DAGLB: variants seen among roughly 807,000 people sequenced by gnomAD.
DAGLB encodes diacylglycerol lipase beta.
In DAGLB, 66 loss-of-function variants were observed where a neutral mutation model predicts 72.1. The ratio of observed to expected loss-of-function variants is 0.92; its 90% confidence interval spans 0.75 to 1.12. The LOEUF is 1.12. DAGLB is among the 50% of genes most tolerant of loss of function. The pLI is 0.00. For synonymous variants in DAGLB, 414 were observed against 359.5 expected, an observed-to-expected ratio of 1.15 and a Z score of -1.71; for missense variants, 1,065 against 884.9, an observed-to-expected ratio of 1.20 and a Z score of -2.58.
At position 6,445,993 on chromosome 7, in the gene DAGLB, G is replaced by T; in HGVS notation, c.207C>A (p.Val69=). The T allele has an allele frequency of 2.5e-6, 4 of 1,613,644 alleles. No individual in the cohort carries two copies. Among genetic ancestry groups the T allele is most frequent in the Non-Finnish European group, 3.4e-6 (4 of 1,179,870 alleles). ...LIVLMILLAV[V]ICTVSAIMCV... ...ACATGATGGCTGACACAGTACATAT[G>T]ACAACTGCCAGGAGAATCATGAGGA... Residue 69 remains valine (V), a synonymous_variant, in exon 2 of 15, where the codon GTC becomes GTA. Transcript: ENST00000297056.
chr7:6,410,290 CT>C lies in DAGLB; in HGVS notation c.1659del (p.Val554SerfsTer2). 1 of 1,613,952 alleles carries C rather than the reference CT, an allele frequency of 6.2e-7. No individual in the cohort carries two copies. On this transcript the variant is annotated frameshift_variant, in exon 14 of 15. Coordinates refer to ENST00000297056, the MANE Select transcript of DAGLB (RefSeq NM_139179.4). LOFTEE classifies it high-confidence loss of function. ...TCCCCCAGAAGAGGCTGTGTCAGGA[CT>C]TCCTGGTCGCCCCCGTCCAGCTCCG... ...LPTELDGGDQ[E>X]VLTQPLLGEQ...
intron 1 of DAGLB, 47 bp downstream of exon 1, chr7:6,447,701 G>A (rs1271461789): frequency 1.9e-6 from 3 of 1,585,116 alleles, no homozygotes; most frequent in South Asian, 2.3e-5. Flanking sequence ...CTCGCCCCCC[G>A]CTCCCTCTCC....
chr7:6,436,669 T>C (rs1027075959), intron 2 of DAGLB, 136 bp from the exon 3 acceptor site: 3 of 1,059,026 alleles, frequency 2.8e-6, no homozygotes, highest in African/African-American at 3.2e-5. Flanking sequence ...CTACTTATAA[T>C]TGGTAATCAG....
chr7:6,416,497 C>T lies in DAGLB; in HGVS notation c.1427+130G>A, dbSNP rs752644067. The stretch of plus-strand genomic sequence containing the variant: ...GGTGGAGCTTGCAGTGAGCCGAGAT[C>T]ACGCCACTGCACTCCAGCCTGGGCG... On this transcript the variant is annotated intron_variant, in intron 11 of 14. Transcript: ENST00000297056. 1.9e-4 allele frequency: 262 copies of T among 1,373,738 alleles called. 1 individual carries two copies. The highest frequency in any genetic ancestry group is 2.5e-4 in the Non-Finnish European group (257 of 1,026,954). The allele number at this position is 1,373,738 out of a possible 1,614,324, so 85.1% of individuals were successfully genotyped here.
Position 6,445,959 on chromosome 7 carries a change from T to TGCTGACACACATGATG in DAGLB, c.225_240dup (p.Met81HisfsTer12), listed in dbSNP as rs761441257. The TGCTGACACACATGATG allele has an allele frequency of 6.3e-7, 1 of 1,595,964 alleles. No individual in the cohort carries two copies. The highest frequency in any genetic ancestry group is 1.9e-5 in the Admixed American group (1 of 53,734). ...AGAAAAGGCTACTTTTTACCTCTCA[T>TGCTGACACACATGATG]GCTGACACACATGATGGCTGACACA... On this transcript the variant is annotated frameshift_variant, in exon 2 of 15. Transcript: ENST00000297056. LOFTEE classifies it high-confidence loss of function.
At chr7:6,430,354 G>A in intron 6 of DAGLB, 126 bp downstream of exon 6, 3 of 1,154,606 alleles carry the variant, frequency 2.6e-6, no homozygotes, top group South Asian at 3.7e-5. Context: ...AGTCACAGCT[G>A]GTGACTCTAG....
chr7:6,433,564 G>A (rs541936263), intron 4 of DAGLB, among the ~76,000 whole-genome samples: 7 of 152,144 alleles, frequency 4.6e-5, no homozygotes, highest in Non-Finnish European at 1.0e-4. Context: ...ATACTGCCAG[G>A]TGCGATGACT....
chr7:6,437,218 C>G (rs558899775), intron 2 of DAGLB, among the ~76,000 whole-genome samples: 1 of 150,906 alleles, frequency 6.6e-6, no homozygotes, highest in African/African-American at 2.4e-5. Flanking sequence ...AGACAACAGG[C>G]ACAAAACAGA....
At position 6,447,882 on chromosome 7, in the gene DAGLB, G is replaced by A; in HGVS notation, c.-40C>T. 6.4e-7 allele frequency: 1 copy of A among 1,565,792 alleles called. No homozygotes were observed. Among genetic ancestry groups the A allele is most frequent in the Non-Finnish European group, 8.6e-7 (1 of 1,160,698 alleles). ...AGCTCGCACTCAGGAGAGACCCCGCGCGCCGTTCACCGAGAACAAACCAGC... is the reference window on the plus strand; with the variant it reads ...AGCTCGCACTCAGGAGAGACCCCGCACGCCGTTCACCGAGAACAAACCAGC... On this transcript the variant is annotated 5_prime_UTR_variant, in exon 1 of 15. Transcript: ENST00000297056.
chr7:6,441,983 A>G lies in DAGLB; in HGVS notation c.247+3970T>C, dbSNP rs7799698. Among the ~76,000 whole-genome samples the G allele has an allele frequency of 9.8e-3, 1,489 of 152,040 alleles. 19 individuals are homozygous for G. Among genetic ancestry groups the G allele is most frequent in the African/African-American group, 0.034 (1,428 of 41,456 alleles). On this transcript the variant is annotated intron_variant, in intron 2 of 14. Transcript: ENST00000297056. ...TTCTCCCAGCTCTCCCCTGCCCTGT[A>G]TGTCAGCTTGCCCTGCGCTGTGAGT...
Position 6,409,727 on chromosome 7 carries a change from G to C in DAGLB, c.*110C>G. The C allele has an allele frequency of 8.0e-7, 1 of 1,245,354 alleles. No homozygotes were observed. The highest frequency in any genetic ancestry group is 1.1e-6 in the Non-Finnish European group (1 of 903,248). The allele number at this position is 1,245,354 out of a possible 1,614,324, so 77.1% of individuals were successfully genotyped here. A position where few individuals can be genotyped will look rare whatever the true frequency, so the allele number is the denominator to read the frequency against. On this transcript the variant is annotated 3_prime_UTR_variant, in exon 15 of 15. Coordinates refer to ENST00000297056, the MANE Select transcript of DAGLB (RefSeq NM_139179.4). ...GGAATTCTGTTCCCATCCGATTCCT[G>C]TTGATGGACATTCGCTGTTTTGGCG... is the stretch of plus-strand genomic sequence containing the variant.
chr7:6,447,717 G>T (rs1785056312), intron 1 of DAGLB, 31 bp downstream of exon 1: 1 of 1,602,544 alleles, frequency 6.2e-7, no homozygotes, highest in Non-Finnish European at 8.5e-7. Flanking sequence ...TCTCCGGTGG[G>T]CTCCACCGCC....
rs200601875 is a variant in DAGLB at position 6,430,482 on chromosome 7, G to C, written c.927C>G (p.Asp309Glu). ...PLTGLCRIGG[D>E]CCRSRTTDYD... ...AGGCTCAGACTGTGCCAACCCACCAGTCACCACCAATCCTGCACAGCCCCG... is the reference window on the plus strand; with the variant it reads ...AGGCTCAGACTGTGCCAACCCACCACTCACCACCAATCCTGCACAGCCCCG... Residue 309 changes from aspartate to glutamate, a missense_variant and splice_region_variant, in exon 6 of 15, where the codon GAC becomes GAG. Asp to Glu is a conservative substitution (Grantham distance 45). Transcript: ENST00000297056. 1.3e-6 allele frequency: 2 copies of C among 1,542,940 alleles called. No homozygotes were observed. The highest frequency in any genetic ancestry group is 3.8e-5 in the Admixed American group (2 of 52,786).
rs1038291691 is a variant in DAGLB at position 6,416,377 on chromosome 7, C to T, written c.1427+250G>A. 8.2e-6 allele frequency: 3 copies of T among 366,840 alleles called. No homozygotes were observed. The Admixed American group carries it at 1.3e-4, about 16-fold the overall frequency. The allele number at this position is 366,840 out of a possible 1,614,324, so 22.7% of individuals were successfully genotyped here. On this transcript the variant is annotated intron_variant, in intron 11 of 14. Coordinates refer to ENST00000297056, the MANE Select transcript of DAGLB (RefSeq NM_139179.4). ...TGGCCAACATGGTGAAACCCCACCACTACTAAAAATACAAAAATTAGCCGG... is the reference window on the plus strand; with the variant it reads ...TGGCCAACATGGTGAAACCCCACCATTACTAAAAATACAAAAATTAGCCGG...
intron 9 of DAGLB, among the ~76,000 whole-genome samples, chr7:6,420,742 G>GC (rs1326126559): frequency 5.9e-5 from 9 of 151,954 alleles, no homozygotes; most frequent in African/African-American, 1.2e-4. Context: ...GTTACAGGAA[G>GC]CCCCCAAAAC....
At chr7:6,432,660 A>T (rs193034326) in intron 5 of DAGLB, among the ~76,000 whole-genome samples, 177 bp downstream of exon 5, 9,751 of 115,930 alleles carry the variant, frequency 0.084, 896 homozygotes, top group East Asian at 0.52. Context: ...ACTCCGTCTT[A>T]AAAAAAAAAA....
chr7:6,428,201 C>T (rs1784370970), intron 6 of DAGLB, among the ~76,000 whole-genome samples: 1 of 151,014 alleles, frequency 6.6e-6, no homozygotes, highest in African/African-American at 2.4e-5. Context: ...AAAAAACTAG[C>T]CGAGTATGGT....
At chr7:6,447,603 G>T in intron 1 of DAGLB, 145 bp downstream of exon 1, 1 of 1,172,176 alleles carries the variant, frequency 8.5e-7, no homozygotes, top group Non-Finnish European at 1.2e-6. Flanking sequence ...TTCGGGCAGT[G>T]GTGAGAACTC....
At chr7:6,446,731 C>T (rs1454957606) in intron 1 of DAGLB, among the ~76,000 whole-genome samples, 1 of 151,000 alleles carries the variant, frequency 6.6e-6, no homozygotes, top group Admixed American at 6.6e-5. Flanking sequence ...GATCTAGGCC[C>T]GGCACGGCGG....
Sources: allele counts gnomAD v4.1 joint callset (sites outside exome capture counted in the v4.1 genomes callset), GRCh38; gene constraint gnomAD v4.1.1; transcripts MANE v1.5; gene names NCBI Gene and HGNC (gene_info 2026-07-23, HGNC 2026-07-21).